ZNF426: variants seen among roughly 807,000 people sequenced by gnomAD.
The protein encoded by ZNF426 is zinc finger protein 426.
In ZNF426, 23 loss-of-function variants were observed where a neutral mutation model predicts 24.0. The observed-to-expected ratio is 0.96, with a 90% CI of 0.69 to 1.36. The LOEUF is 1.36. Ranked by LOEUF, ZNF426 falls within the 40% of genes most tolerant of loss-of-function variation. The pLI, the probability that ZNF426 is intolerant of heterozygous loss-of-function variation, is 0.00. For missense variants in ZNF426, 646 were observed against 658.4 expected (o/e 0.98, Z 0.21); for synonymous variants, 272 against 224.6 (o/e 1.21, Z -1.89).
In ZNF426 at chr19:9,536,668, A is replaced by G. The variant is rs577123984; in HGVS notation, c.-124-312T>C. The G allele has an allele frequency of 5.7e-5, 13 of 228,554 alleles. No homozygotes were observed. The Admixed American group carries it at 6.3e-4, about 11-fold the overall frequency. The allele number at this position is 228,554 out of a possible 1,614,324, so 14.2% of individuals were successfully genotyped here. A position where few individuals can be genotyped will look rare whatever the true frequency, so the allele number is the denominator to read the frequency against. On this transcript the variant is annotated intron_variant, in intron 2 of 7. Transcript: ENST00000253115. ...CACAATACACTTTTAAGTATTGGGT[A>G]GCCTCAACTGGGCCTTGATTGGAAA...
chr19:9,529,796 T>C (rs748220662), intron 7 of ZNF426, among the ~76,000 whole-genome samples, 160 bp from the exon 8 acceptor site: 1 of 152,206 alleles, frequency 6.6e-6, no homozygotes. Context: ...GTGGTATGAC[T>C]TAACTCTTAT....
chr19:9,537,013 C>A (rs1028266134), intron 2 of ZNF426, among the ~76,000 whole-genome samples: 1 of 151,868 alleles, frequency 6.6e-6, no homozygotes, highest in Admixed American at 6.6e-5. Flanking sequence ...GGCTGTAATC[C>A]CAGCTACTCA....
rs1050085749 is a variant in ZNF426, at chr19:9,526,753, G to A, written c.*1627C>T. On this transcript the variant is annotated 3_prime_UTR_variant, in exon 8 of 8. Transcript: ENST00000253115. ...AGGCTAAGCAAACACCAAGAAGGACGAGCACCAAAAACCTATACCTAGGCA... is the reference window on the plus strand; with the variant it reads ...AGGCTAAGCAAACACCAAGAAGGACAAGCACCAAAAACCTATACCTAGGCA... 4.6e-5 allele frequency: 7 copies of A among 151,814 alleles called. No individual in the cohort carries two copies. The highest frequency in any genetic ancestry group is 8.8e-5 in the Non-Finnish European group (6 of 67,930). The allele number at this position is 151,814 out of a possible 1,614,324, so 9.4% of individuals were successfully genotyped here.
intron 7 of ZNF426, among the ~76,000 whole-genome samples, chr19:9,530,305 A>C (rs1001039590): frequency 1.3e-5 from 2 of 152,020 alleles, no homozygotes; most frequent in African/African-American, 2.4e-5. Flanking sequence ...ATATCAAAAA[A>C]TTAGCTGGGC....
At position 9,529,592 on chromosome 19, in the gene ZNF426, A is replaced by G; in HGVS notation, c.453T>C (p.Cys151=). Residue 151 remains cysteine, a synonymous_variant, in exon 8 of 8, where the codon TGT becomes TGC. Coordinates refer to ENST00000253115, the MANE Select transcript of ZNF426 (RefSeq NM_024106.3). ...ATGAGTGTTCACTGAAGACTTCTCC[A>G]CATTGCTCACAGTCACAGAGTTCCC... ...NGRELCDCEQ[C]GEVFSEHSCL... is the part of the protein sequence containing the mutation. The G allele has an allele frequency of 1.2e-6, 2 of 1,605,206 alleles. No individual in the cohort carries two copies. Among genetic ancestry groups the G allele is most frequent in the Non-Finnish European group, 1.7e-6 (2 of 1,179,478 alleles).
chr19:9,529,387 G>A lies in ZNF426; in HGVS notation c.658C>T (p.Gln220Ter), dbSNP rs766023396. Residue 220 changes from glutamine to a stop codon, truncating the protein, a stop_gained, in exon 8 of 8, where the codon CAA becomes TAA. Coordinates refer to ENST00000253115, the MANE Select transcript of ZNF426 (RefSeq NM_024106.3). LOFTEE classifies it low-confidence loss of function (END_TRUNC). The part of the protein sequence containing the change: ...PNIVYQRTST[Q>*]EKSFECSHCG... ...TGACTACATTCAAATGACTTTTCTT[G>A]TGTGCTAGTTCTCTGGTATACAATA... 3 of 1,614,106 alleles carry A rather than the reference G, an allele frequency of 1.9e-6. No individual in the cohort carries two copies. The highest frequency in any genetic ancestry group is 1.1e-5 in the South Asian group (1 of 91,066).
rs2073792451 is a variant in ZNF426, at chr19:9,526,423, T to C, written c.*1957A>G. On this transcript the variant is annotated 3_prime_UTR_variant, in exon 8 of 8. Transcript: ENST00000253115. ...CAGACAGGCAGTGTAAACACAGAGA[T>C]GGAAATTCTAAGAACCACAAAGAAA... The C allele has an allele frequency of 1.3e-5, 2 of 151,730 alleles. No homozygotes were observed. The highest frequency in any genetic ancestry group is 6.6e-5 in the Admixed American group (1 of 15,198). 9.4% of individuals were successfully genotyped at this position (151,730 alleles called of 1,614,324 possible).
Position 9,528,180 on chromosome 19 carries a change from G to T in ZNF426, c.*200C>A, listed in dbSNP as rs981759138. On this transcript the variant is annotated 3_prime_UTR_variant, in exon 8 of 8. Transcript: ENST00000253115. ...TTTTTGTATTTTCAGTAGAGACAAG[G>T]TTTCACCATGTTGGCCAGGGTGGTC... 12 of 530,178 alleles carry T rather than the reference G, an allele frequency of 2.3e-5. No homozygotes were observed. Among genetic ancestry groups the T allele is most frequent in the Admixed American group, 3.8e-5 (1 of 26,630 alleles). The allele number at this position is 530,178 out of a possible 1,614,324, so 32.8% of individuals were successfully genotyped here.
At chr19:9,534,702 C>T (rs2073938813) in intron 4 of ZNF426, among the ~76,000 whole-genome samples, 1 of 151,994 alleles carries the variant, frequency 6.6e-6, no homozygotes, top group African/African-American at 2.4e-5. Context: ...TGAAGTGATC[C>T]TCCCACTTCA....
At position 9,524,963 on chromosome 19, in the gene ZNF426, G is replaced by A. The variant is rs1208857331; in HGVS notation, c.*3417C>T. On this transcript the variant is annotated 3_prime_UTR_variant, in exon 8 of 8. Transcript: ENST00000253115. ...TTTGTATGTGGATATTAAAAAGGAA[G>A]GATTGGCTGGGCGCGGTGGCTCACG... The A allele has an allele frequency of 6.6e-6, 1 of 151,798 alleles. No homozygotes were observed. Among genetic ancestry groups the A allele is most frequent in the Non-Finnish European group, 1.5e-5 (1 of 67,950 alleles). 9.4% of individuals were successfully genotyped at this position (151,798 alleles called of 1,614,324 possible). A position where few individuals can be genotyped will look rare whatever the true frequency, so the allele number is the denominator to read the frequency against.
intron 7 of ZNF426, among the ~76,000 whole-genome samples, chr19:9,530,255 C>A (rs577839391): frequency 1.3e-5 from 2 of 152,128 alleles, no homozygotes; most frequent in Admixed American, 6.5e-5. Flanking sequence ...GAATTAGAGA[C>A]CAGCCTGGGC....
chr19:9,535,862 A>G (rs531562086), intron 3 of ZNF426, among the ~76,000 whole-genome samples: 101 of 152,058 alleles, frequency 6.6e-4, no homozygotes, highest in African/African-American at 2.4e-3. Flanking sequence ...AAAGAAAGAA[A>G]ATGCAAACAT....
intron 6 of ZNF426, among the ~76,000 whole-genome samples, chr19:9,531,761 G>T (rs1036722174): frequency 6.6e-6 from 1 of 152,202 alleles, no homozygotes; most frequent in African/African-American, 2.4e-5. Context: ...GAGGCAGGCA[G>T]ATCACGAGGT....
In ZNF426 at chr19:9,530,986, A is replaced by T; in HGVS notation, c.407T>A (p.Leu136Ter). ...AAAAATATCCTATGCAAATCTTACC[A>T]ATTGTATCCCAATGGATGTCTGACC... ...LRGQTSIGIQLEGKHNGRELC... is the reference protein window; with the variant it reads ...LRGQTSIGIQ The change falls in exon 7 of 8, where the codon TTG becomes TAG. Residue 136 changes from leucine (L) to a stop codon, truncating the protein, a stop_gained and splice_region_variant. Transcript: ENST00000253115. LOFTEE classifies it low-confidence loss of function (END_TRUNC). 6.2e-7 allele frequency: 1 copy of T among 1,611,370 alleles called. No homozygotes were observed. Among genetic ancestry groups the T allele is most frequent in the Non-Finnish European group, 8.5e-7 (1 of 1,177,494 alleles).
Position 9,529,269 on chromosome 19 carries a change from G to C in ZNF426, c.776C>G (p.Pro259Arg). ...EKLYEWRNYG[P>R]GFIDSTSLSV... ...AAGGCTTGTAGAGTCAATAAAACCT[G>C]GCCCATAATTCCTCCATTCGTAGAG... The change falls in exon 8 of 8, where the codon CCA (proline) becomes CGA (arginine). Residue 259 changes from proline (P) to arginine (R), a missense_variant. Pro to Arg is a moderately radical substitution (Grantham distance 103). Transcript: ENST00000253115. The C allele has an allele frequency of 1.9e-6, 3 of 1,613,758 alleles. No individual in the cohort carries two copies. Among genetic ancestry groups the C allele is most frequent in the Non-Finnish European group, 2.5e-6 (3 of 1,179,900 alleles).
chr19:9,525,110 G>A lies in ZNF426; in HGVS notation c.*3270C>T, dbSNP rs1317611337. On this transcript the variant is annotated 3_prime_UTR_variant, in exon 8 of 8. Transcript: ENST00000253115. ...TAAAAATACAAAAAATTAGCCGGGC[G>A]TGGTAGCGGGCGCCTGTAGTCCCAG... 13 of 151,316 alleles carry A rather than the reference G, an allele frequency of 8.6e-5. No individual in the cohort carries two copies. The highest frequency in any genetic ancestry group is 2.1e-4 in the South Asian group (1 of 4,794). The allele number at this position is 151,316 out of a possible 1,614,324, so 9.4% of individuals were successfully genotyped here. A position where few individuals can be genotyped will look rare whatever the true frequency, so the allele number is the denominator to read the frequency against.
chr19:9,536,314 A>G lies in ZNF426; in HGVS notation c.-82T>C, dbSNP rs57888141. On this transcript the variant is annotated 5_prime_UTR_variant, in exon 3 of 8. Coordinates refer to ENST00000253115, the MANE Select transcript of ZNF426 (RefSeq NM_024106.3). ...GGACACCTCATTAATCTAAATGGAC[A>G]GTGGCAATCTCCATTCCTCTTTAAA... The G allele has an allele frequency of 6.3e-5, 102 of 1,613,380 alleles. No individual in the cohort carries two copies. The African/African-American group carries it at 1.2e-3, about 19-fold the overall frequency.
At position 9,525,523 on chromosome 19, in the gene ZNF426, G is replaced by A. The variant is rs180782919; in HGVS notation, c.*2857C>T. Reference sequence around the variant, plus strand: ...TTGTTTTGAGACAGAGTCTCACTCTGTCACCCAGGCTGGAGTGCAGTGGCG... The same window carrying A: ...TTGTTTTGAGACAGAGTCTCACTCTATCACCCAGGCTGGAGTGCAGTGGCG... On this transcript the variant is annotated 3_prime_UTR_variant, in exon 8 of 8. Transcript: ENST00000253115. 6.2e-3 allele frequency: 938 copies of A among 152,246 alleles called. 8 individuals carry two copies. The highest frequency in any genetic ancestry group is 0.011 in the Non-Finnish European group (748 of 68,284). 9.4% of individuals were successfully genotyped at this position (152,246 alleles called of 1,614,324 possible).
At position 9,527,990 on chromosome 19, in the gene ZNF426, C is replaced by CTTTT. The variant is rs201978637; in HGVS notation, c.*386_*389dup. The CTTTT allele has an allele frequency of 2.1e-5, 3 of 141,364 alleles. No homozygotes were observed. The highest frequency in any genetic ancestry group is 4.6e-5 in the Non-Finnish European group (3 of 65,352). The allele number at this position is 141,364 out of a possible 1,614,324, so 8.8% of individuals were successfully genotyped here. A position where few individuals can be genotyped will look rare whatever the true frequency, so the allele number is the denominator to read the frequency against. On this transcript the variant is annotated 3_prime_UTR_variant, in exon 8 of 8. Transcript: ENST00000253115. ...AGACTCAATTTAATCAAATAATTTT[C>CTTTT]TTTTTTTTTTTTTTTTGAGATGGAG...
Sources: allele counts gnomAD v4.1 joint callset (sites outside exome capture counted in the v4.1 genomes callset), GRCh38; gene constraint gnomAD v4.1.1; transcripts MANE v1.5; gene names NCBI Gene and HGNC (gene_info 2026-07-23, HGNC 2026-07-21).